The following NIBAN3 variants were observed in gnomAD, a reference collection of about 807,000 sequenced individuals.
NIBAN3 encodes niban apoptosis regulator 3.
A neutral mutation model predicts 76.4 loss-of-function variants in NIBAN3; 66 were observed. That is an observed-to-expected ratio of 0.86 (90% CI 0.71 to 1.06). The LOEUF is 1.06. Ranked by LOEUF, NIBAN3 falls within the 50% of genes least tolerant of loss-of-function variation. The pLI, the probability that NIBAN3 is intolerant of heterozygous loss-of-function variation, is 0.00. For missense variants in NIBAN3, 808 were observed against 810.7 expected (o/e 1.00, Z 0.04); for synonymous variants, 360 against 355.2 (o/e 1.01, Z -0.15).
chr19:17,532,305 C>A lies in NIBAN3; in HGVS notation c.229C>A (p.Leu77Ile), dbSNP rs2075742562. The change falls in exon 3 of 15, where the codon CTT becomes ATT. Residue 77 changes from leucine to isoleucine, a missense_variant. Physicochemically the swap from Leu to Ile is conservative, Grantham distance 5. Coordinates refer to ENST00000599164, the MANE Select transcript of NIBAN3 (RefSeq NM_001321827.2). ...VREHRGPLTQ[L>I]RGHPPRWQPI... ...TGAGCACCGAGGACCCCTGACCCAG[C>A]TTCGGGGCCACCCACCCCGGTGGCA... The A allele has an allele frequency of 6.2e-7, 1 of 1,613,908 alleles. No homozygotes were observed. Among genetic ancestry groups the A allele is most frequent in the Non-Finnish European group, 8.5e-7 (1 of 1,179,964 alleles).
At chr19:17,541,455 G>A (rs191195046) in intron 9 of NIBAN3, among the ~76,000 whole-genome samples, 1 of 152,052 alleles carries the variant, frequency 6.6e-6, no homozygotes, top group Non-Finnish European at 1.5e-5. Flanking sequence ...CCCCTAATTT[G>A]TAAGCAGAGA....
Position 17,543,418 on chromosome 19 carries a change from G to A in NIBAN3, c.1431G>A (p.Arg477=). ...CTGCCCAGAGGCTGGAGAGAGTCAG[G>A]GGGCGCGTGCTGAAGGTGTGTTCTG... ...DQAAQRLERV[R]GRVLKKFKSD... The change falls in exon 11 of 15, where the codon AGG becomes AGA. Residue 477 remains arginine (R), a synonymous_variant. Coordinates refer to ENST00000599164, the MANE Select transcript of NIBAN3 (RefSeq NM_001321827.2). 6.2e-7 allele frequency: 1 copy of A among 1,613,576 alleles called. No homozygotes were observed. The highest frequency in any genetic ancestry group is 8.5e-7 in the Non-Finnish European group (1 of 1,179,542).
At chr19:17,526,753 CA>C (rs141938055), upstream of NIBAN3, among the ~76,000 whole-genome samples, 5,271 of 151,516 alleles carry the variant, frequency 0.035, 242 homozygotes, top group African/African-American at 0.1. Context: ...TCAGTGCCCC[CA>C]AGTCTCTCTG....
In NIBAN3 at chr19:17,539,704, G is replaced by C; in HGVS notation, c.918G>C (p.Thr306=). The C allele has an allele frequency of 6.4e-7, 1 of 1,550,414 alleles. No homozygotes were observed. ...AGCTGCTTGCGTCGCTGGAGAAGACGATCCGCCCGGACGTGGACCAGCTGC... is the reference window on the plus strand; with the variant it reads ...AGCTGCTTGCGTCGCTGGAGAAGACCATCCGCCCGGACGTGGACCAGCTGC... ...KDELLASLEK[T]IRPDVDQLLR... Residue 306 remains threonine, a synonymous_variant, in exon 8 of 15, where the codon ACG becomes ACC. Coordinates refer to ENST00000599164, the MANE Select transcript of NIBAN3 (RefSeq NM_001321827.2).
At chr19:17,543,892 T>G (rs2076002179) in intron 12 of NIBAN3, 2 of 252,052 alleles carry the variant, frequency 7.9e-6, no homozygotes, top group South Asian at 6.5e-5. Flanking sequence ...CTCAGGAGGC[T>G]GAAGCAGGAA....
chr19:17,555,079 C>T (rs2076201339), downstream of NIBAN3, among the ~76,000 whole-genome samples: 1 of 152,110 alleles, frequency 6.6e-6, no homozygotes, highest in African/African-American at 2.4e-5. Flanking sequence ...CATTATCATG[C>T]CCTGGCTCTA....
Position 17,533,101 on chromosome 19 carries a change from C to T in NIBAN3, c.313-486C>T, listed in dbSNP as rs372656094. Among the ~76,000 whole-genome samples the T allele has an allele frequency of 2.1e-3, 312 of 152,140 alleles. 2 individuals are homozygous for T. Among genetic ancestry groups the T allele is most frequent in the Middle Eastern group, 6.8e-3 (2 of 294 alleles). The stretch of plus-strand genomic sequence containing the variant: ...CAGCCTGGCCAACATGGTGAAACTC[C>T]GTCTCTACTAAAAATACAAAACCTA... On this transcript the variant is annotated intron_variant, in intron 3 of 14. Coordinates refer to ENST00000599164, the MANE Select transcript of NIBAN3 (RefSeq NM_001321827.2).
rs758660652 is a variant in NIBAN3 at position 17,540,495 on chromosome 19, G to A, written c.1083G>A (p.Glu361=). Residue 361 remains glutamate, a synonymous_variant, in exon 9 of 15, where the codon GAG becomes GAA. Transcript: ENST00000599164. ...TLLRTVEASL[E]AVRTLLAQGM... The stretch of plus-strand genomic sequence containing the variant: ...TGCGCACCGTGGAAGCCTCGCTCGA[G>A]GCGGTGCGGACCCTCCTGGCTCAAG... The A allele has an allele frequency of 4.5e-5, 72 of 1,599,994 alleles. No homozygotes were observed. The highest frequency in any genetic ancestry group is 6.0e-5 in the Non-Finnish European group (71 of 1,173,626).
rs779177384 is a variant in NIBAN3, at chr19:17,551,780, A to T, written c.1751-6A>T. ...TTTTGACGTCCGTATATTTTCCATTATACAGATGAGGAAACTGAGGCTGAG... is the reference window on the plus strand; with the variant it reads ...TTTTGACGTCCGTATATTTTCCATTTTACAGATGAGGAAACTGAGGCTGAG... On this transcript the variant is annotated splice_region_variant and splice_polypyrimidine_tract_variant and intron_variant, in intron 14 of 14. Transcript: ENST00000599164. The T allele has an allele frequency of 1.7e-5, 13 of 777,068 alleles. No individual in the cohort carries two copies. The highest frequency in any genetic ancestry group is 2.6e-5 in the Non-Finnish European group (11 of 415,596). 48.1% of individuals were successfully genotyped at this position (777,068 alleles called of 1,614,324 possible).
In NIBAN3 at chr19:17,542,179, A is replaced by G; in HGVS notation, c.1214A>G (p.Gln405Arg). The change falls in exon 10 of 15, where the codon CAG becomes CGG. Residue 405 changes from glutamine (Q) to arginine (R), a missense_variant. Transcript: ENST00000599164. This position sits in a 1 kb window ranked among gnomAD's most constrained non-coding sequence, Gnocchi z 4.8. Reference sequence around the variant, plus strand: ...ATGCCGTGGGACTTGGCGCTGATGCAGACATGCTACCGTGAGGCCGAGCGG... The same window carrying G: ...ATGCCGTGGGACTTGGCGCTGATGCGGACATGCTACCGTGAGGCCGAGCGG... ...GEMPWDLALMQTCYREAERSR... is the reference protein window; with the variant it reads ...GEMPWDLALMRTCYREAERSR... 1 of 1,614,166 alleles carries G rather than the reference A, an allele frequency of 6.2e-7. No individual in the cohort carries two copies. Among genetic ancestry groups the G allele is most frequent in the Non-Finnish European group, 8.5e-7 (1 of 1,180,036 alleles).
At chr19:17,554,797 A>AAAG (rs2076199654), downstream of NIBAN3, among the ~76,000 whole-genome samples, 1 of 138,136 alleles carries the variant, frequency 7.2e-6, no homozygotes, top group African/African-American at 2.7e-5. Context: ...AAAAAAAAGA[A>AAAG]AATAATAATA....
chr19:17,552,234 A>C lies in NIBAN3; in HGVS notation c.*336A>C. ...GCTGAGATTTCAGGCACCCGCCACC[A>C]TGCCTGGTTAATTTTTGTGTTTTTA... is the stretch of plus-strand genomic sequence containing the variant. On this transcript the variant is annotated 3_prime_UTR_variant, in exon 15 of 15. Coordinates refer to ENST00000599164, the MANE Select transcript of NIBAN3 (RefSeq NM_001321827.2). 6.1e-6 allele frequency: 1 copy of C among 162,892 alleles called. No individual in the cohort carries two copies. Among genetic ancestry groups the C allele is most frequent in the Non-Finnish European group, 1.3e-5 (1 of 75,756 alleles). The allele number at this position is 162,892 out of a possible 1,614,324, so 10.1% of individuals were successfully genotyped here. A position where few individuals can be genotyped will look rare whatever the true frequency, so the allele number is the denominator to read the frequency against.
At chr19:17,534,084 TC>T (rs1272053954) in intron 4 of NIBAN3, among the ~76,000 whole-genome samples, 27 of 152,156 alleles carry the variant, frequency 1.8e-4, no homozygotes, top group Admixed American at 1.8e-3. Context: ...ATGCCTGTAG[TC>T]CCAGCTACTC....
chr19:17,539,289 C>G (rs1568452718), intron 6 of NIBAN3, 24 bp downstream of exon 6: 1 of 1,574,502 alleles, frequency 6.4e-7, no homozygotes. Context: ...GAGGCCGCAC[C>G]CGGGACCCCC....
intron 12 of NIBAN3, 181 bp from the exon 13 acceptor site, chr19:17,546,505 G>T: frequency 8.9e-7 from 1 of 1,127,320 alleles, no homozygotes; most frequent in Non-Finnish European, 1.1e-6. Flanking sequence ...ATGAGCCACC[G>T]CACCCGGCCT....
At chr19:17,527,149 A>C (rs543197145), upstream of NIBAN3, 1 of 1,452,388 alleles carries the variant, frequency 6.9e-7, no homozygotes, top group African/African-American at 1.4e-5. Flanking sequence ...CTCTACAGAA[A>C]CCACTGGCTC....
upstream of NIBAN3, chr19:17,523,417 G>A (rs200819562): frequency 1.9e-6 from 3 of 1,557,538 alleles, no homozygotes; most frequent in Non-Finnish European, 2.6e-6. Context: ...AGGCCACTCA[G>A]ATGTGAGAGT....
intron 12 of NIBAN3, among the ~76,000 whole-genome samples, chr19:17,544,830 A>G (rs1005656140): frequency 1.3e-5 from 2 of 152,156 alleles, no homozygotes; most frequent in African/African-American, 4.8e-5. Flanking sequence ...CACTCATACT[A>G]TTCCCTGTGA....
At chr19:17,545,494 G>A (rs1022198759) in intron 12 of NIBAN3, 20 of 185,426 alleles carry the variant, frequency 1.1e-4, no homozygotes, top group East Asian at 9.4e-4. Flanking sequence ...TGCGGAGACC[G>A]GTAGTGGCCC....
Sources: gnomAD v4.1 joint callset for allele counts (sites outside exome capture counted in the v4.1 genomes callset) on GRCh38, gnomAD v4.1.1 for gene constraint, Gnocchi (gnomAD v3.1) non-coding constraint, MANE v1.5 for transcripts, NCBI Gene and HGNC (gene_info 2026-07-23, HGNC 2026-07-21) for gene names.